KCNN2: variants seen among roughly 807,000 people sequenced by gnomAD.
KCNN2 encodes small conductance calcium-activated potassium channel protein 2.
In KCNN2, 24 loss-of-function variants were observed where a neutral mutation model predicts 55.5. The observed-to-expected ratio is 0.43, with a 90% CI of 0.31 to 0.61. The LOEUF (loss-of-function observed/expected upper bound fraction) is 0.61. Among genes scored for constraint, KCNN2 ranks in the 20% least tolerant of loss-of-function variants. The pLI is 0.08. For missense variants in KCNN2, 754 were observed against 853.6 expected, an observed-to-expected ratio of 0.88 and a Z score of 1.45; for synonymous variants, 431 against 336.1, an observed-to-expected ratio of 1.28 and a Z score of -3.09.
At chr5:114,397,033 C>T (rs113206401) in intron 2 of KCNN2, among the ~76,000 whole-genome samples, 4,351 of 152,224 alleles carry the variant, frequency 0.029, 195 homozygotes, top group African/African-American at 0.099. Flanking sequence ...GTCCCATCCA[C>T]GCTGCTGCAA....
At chr5:114,207,821 T>C (rs1292867014) in intron 1 of KCNN2, among the ~76,000 whole-genome samples, 2 of 152,234 alleles carry the variant, frequency 1.3e-5, no homozygotes, top group African/African-American at 2.4e-5. Context: ...TCCAGCCCTT[T>C]ACATGCCGAG....
intron 1 of KCNN2, among the ~76,000 whole-genome samples, chr5:114,124,369 G>T (rs1580534535): frequency 6.6e-6 from 1 of 152,150 alleles, no homozygotes; most frequent in Non-Finnish European, 1.5e-5. Flanking sequence ...ATGGATGTTT[G>T]CAAAACTGGA....
intron 2 of KCNN2, among the ~76,000 whole-genome samples, chr5:114,301,100 T>C (rs1756148388): frequency 6.6e-6 from 1 of 152,066 alleles, no homozygotes; most frequent in African/African-American, 2.4e-5. Context: ...CTATAGACTG[T>C]TCTTGAGAGT....
intron 2 of KCNN2, among the ~76,000 whole-genome samples, chr5:114,243,254 C>G (rs1754680016): frequency 6.6e-6 from 1 of 152,138 alleles, no homozygotes; most frequent in Non-Finnish European, 1.5e-5. Flanking sequence ...CTCAACTAAC[C>G]TGTGTAACAT....
rs143419211 is a variant in KCNN2, at chr5:114,395,074, T to C, written c.1219-9364T>C. 9.7e-4 allele frequency among the ~76,000 whole-genome samples: 148 copies of C among 152,310 alleles called. 1 individual carries two copies. In the East Asian group the frequency reaches 0.026, roughly 27 times the overall value. ...TAGAAGGTAAACCCAAGATGTTTAATGAATTGTCCCCGACTGCAAGAGCTT... is the reference window on the plus strand; with the variant it reads ...TAGAAGGTAAACCCAAGATGTTTAACGAATTGTCCCCGACTGCAAGAGCTT... On this transcript the variant is annotated intron_variant, in intron 2 of 7. Coordinates refer to ENST00000673685, the MANE Select transcript of KCNN2 (RefSeq NM_021614.4).
At chr5:114,083,557 G>A (rs1750946897) in intron 1 of KCNN2, among the ~76,000 whole-genome samples, 1 of 151,852 alleles carries the variant, frequency 6.6e-6, no homozygotes, top group Non-Finnish European at 1.5e-5. Flanking sequence ...AAAAATTTTA[G>A]GTTTACAGGA....
chr5:114,080,166 C>T (rs900647844), intron 1 of KCNN2, among the ~76,000 whole-genome samples: 2 of 152,268 alleles, frequency 1.3e-5, no homozygotes, highest in South Asian at 4.1e-4. Flanking sequence ...GTGCCAGACT[C>T]TAAGCATGAA....
intron 1 of KCNN2, among the ~76,000 whole-genome samples, chr5:114,099,924 T>G (rs1751340482): frequency 6.6e-6 from 1 of 151,922 alleles, no homozygotes; most frequent in Non-Finnish European, 1.5e-5. Flanking sequence ...ATTATTCAAG[T>G]AAGTCTTTTG....
intron 1 of KCNN2, among the ~76,000 whole-genome samples, chr5:114,097,478 A>G (rs2112564133): frequency 6.6e-6 from 1 of 152,314 alleles, no homozygotes; most frequent in East Asian, 1.9e-4. Flanking sequence ...ATTATGGTGG[A>G]TCTGAAGTAG....
chr5:114,295,095 AG>A (rs1455152065), intron 2 of KCNN2, among the ~76,000 whole-genome samples: 2 of 152,034 alleles, frequency 1.3e-5, no homozygotes, highest in Non-Finnish European at 2.9e-5. Context: ...TGGCCGTGTG[AG>A]GTGTCAGTGT....
intron 5 of KCNN2, among the ~76,000 whole-genome samples, chr5:114,478,964 C>T (rs375903535): frequency 3.9e-5 from 6 of 152,114 alleles, no homozygotes; most frequent in Non-Finnish European, 5.9e-5. Flanking sequence ...ACATAGACCA[C>T]TGACACTATG....
intron 2 of KCNN2, among the ~76,000 whole-genome samples, chr5:114,341,559 TC>T (rs1757015318): frequency 6.6e-6 from 1 of 152,138 alleles, no homozygotes; most frequent in Non-Finnish European, 1.5e-5. Flanking sequence ...TATGTTGATG[TC>T]TGCTATGATT....
chr5:114,056,421 G>T (rs1464353495), exon 1 of KCNN2: 2 of 398,530 alleles, frequency 5.0e-6, no homozygotes, highest in East Asian at 3.6e-5. Context: ...GTCCACTGGC[G>T]CATTTCACCA....
chr5:114,115,910 A>AT (rs1751699918), intron 1 of KCNN2, among the ~76,000 whole-genome samples: 1 of 151,980 alleles, frequency 6.6e-6, no homozygotes, highest in South Asian at 2.1e-4. Flanking sequence ...CTTTCTTGGG[A>AT]TTTTGGAATC....
chr5:114,138,047 T>G (rs1390124719), intron 1 of KCNN2, among the ~76,000 whole-genome samples: 3 of 152,124 alleles, frequency 2.0e-5, no homozygotes, highest in Non-Finnish European at 4.4e-5. Context: ...CAATAATCCT[T>G]CCAGTTTACT....
chr5:114,401,844 A>C (rs1236922569), intron 2 of KCNN2, among the ~76,000 whole-genome samples: 1 of 152,236 alleles, frequency 6.6e-6, no homozygotes, highest in African/African-American at 2.4e-5. Context: ...AGTTGGAGAG[A>C]TAGGCAAAAC....
At chr5:114,247,426 A>G (rs1447262413) in intron 2 of KCNN2, among the ~76,000 whole-genome samples, 12 of 152,100 alleles carry the variant, frequency 7.9e-5, no homozygotes, top group Non-Finnish European at 1.5e-4. Context: ...TATTATTTAG[A>G]TTTTGAACTC....
intron 1 of KCNN2, among the ~76,000 whole-genome samples, chr5:114,195,201 C>CAGT (rs2112566665): frequency 6.6e-6 from 1 of 150,444 alleles, no homozygotes; most frequent in South Asian, 2.1e-4. Context: ...ATTTTAAGAT[C>CAGT]AGTGTGATTT....
At chr5:114,202,831 C>G (rs1753702497) in intron 1 of KCNN2, among the ~76,000 whole-genome samples, 1 of 152,066 alleles carries the variant, frequency 6.6e-6, no homozygotes, top group South Asian at 2.1e-4. Context: ...CGTGATCTGC[C>G]TGCCTTGGCC....
Sources: gnomAD v4.1 joint callset for allele counts (sites outside exome capture counted in the v4.1 genomes callset) on GRCh38, gnomAD v4.1.1 for gene constraint, MANE v1.5 for transcripts, NCBI Gene and HGNC (gene_info 2026-07-23, HGNC 2026-07-21) for gene names.